Variants in AIMP1 observed in about 807,000 individuals in gnomAD.
The protein encoded by AIMP1 is aminoacyl tRNA synthetase complex interacting multifunctional protein 1.
In AIMP1, 24 loss-of-function variants were observed where a neutral mutation model predicts 33.1. The observed-to-expected ratio is 0.73, with a 90% CI of 0.53 to 1.02. The LOEUF (loss-of-function observed/expected upper bound fraction) is 1.02. Among genes scored for constraint, AIMP1 ranks in the 50% least tolerant of loss-of-function variants. The pLI is 0.00. For synonymous variants in AIMP1, 120 were observed against 121.5 expected, an observed-to-expected ratio of 0.99 and a Z score of 0.08; for missense variants, 367 against 364.8, an observed-to-expected ratio of 1.01 and a Z score of -0.05.
At position 106,322,324 on chromosome 4, in the gene AIMP1, A is replaced by G. The variant is rs868674026; in HGVS notation, c.-25-2661A>G. Among the ~76,000 whole-genome samples, 8 of 152,250 alleles carry G rather than the reference A, an allele frequency of 5.3e-5. No homozygotes were observed. The South Asian group carries it at 1.7e-3, about 32-fold the overall frequency. The stretch of plus-strand genomic sequence containing the variant: ...AAAAAAAAAAGTATAGAAAATTTAG[A>G]TAACTTTACCAAGGTCACACAGTCT... On this transcript the variant is annotated intron_variant, in intron 1 of 6. Transcript: ENST00000672341.
chr4:106,316,246 C>A (rs1768850954), upstream of AIMP1: 1 of 302,154 alleles, frequency 3.3e-6, no homozygotes, highest in Admixed American at 4.8e-5. Context: ...TCCGCCCTCA[C>A]AGCCACCGCG....
At chr4:106,335,597 G>T (rs2125925597) in intron 5 of AIMP1, among the ~76,000 whole-genome samples, 1 of 152,208 alleles carries the variant, frequency 6.6e-6, no homozygotes. Context: ...TAATCCTGTT[G>T]CTACTCTTAA....
chr4:106,321,728 T>C (rs929820392), intron 1 of AIMP1, among the ~76,000 whole-genome samples: 5 of 152,128 alleles, frequency 3.3e-5, no homozygotes, highest in Non-Finnish European at 7.4e-5. Flanking sequence ...CGGGCCATGA[T>C]GACGATGGCA....
Position 106,347,662 on chromosome 4 carries a change from T to G in AIMP1, c.909T>G (p.Ala303=), listed in dbSNP as rs201514824. ...TGAAAGGGAAGGGAGTATGTAGGGCTCAAACCATGAGCAACAGTGGAATCA... is the reference window on the plus strand; with the variant it reads ...TGAAAGGGAAGGGAGTATGTAGGGCGCAAACCATGAGCAACAGTGGAATCA... ...FEVKGKGVCR[A]QTMSNSGIK The change falls in exon 7 of 7, where the codon GCT becomes GCG. Residue 303 remains alanine (A), a synonymous_variant. Transcript: ENST00000672341. 1 of 1,613,248 alleles carries G rather than the reference T, an allele frequency of 6.2e-7. No homozygotes were observed. The highest frequency in any genetic ancestry group is 2.2e-5 in the East Asian group (1 of 44,802).
chr4:106,342,428 A>G (rs1227199273), intron 6 of AIMP1, among the ~76,000 whole-genome samples: 1 of 152,314 alleles, frequency 6.6e-6, no homozygotes, highest in East Asian at 1.9e-4. Flanking sequence ...GGTTTGCCAT[A>G]GATAGCTCTT....
chr4:106,330,633 A>G (rs912448449), intron 4 of AIMP1, among the ~76,000 whole-genome samples: 3 of 152,188 alleles, frequency 2.0e-5, no homozygotes, highest in Non-Finnish European at 4.4e-5. Flanking sequence ...TCACATATTC[A>G]TTATACATAT....
At position 106,341,733 on chromosome 4, in the gene AIMP1, G is replaced by T. The variant is rs565136355; in HGVS notation, c.772+4696G>T. 2.6e-5 allele frequency among the ~76,000 whole-genome samples: 4 copies of T among 151,896 alleles called. No individual in the cohort carries two copies. The East Asian group carries it at 7.7e-4, about 29-fold the overall frequency. On this transcript the variant is annotated intron_variant, in intron 6 of 6. Transcript: ENST00000672341. Reference sequence around the variant, plus strand: ...GAAGTTGGGTAGTGTGATGCCTCCAGTTATGTTCTTTTTGCTTAGAATTAT... The same window carrying T: ...GAAGTTGGGTAGTGTGATGCCTCCATTTATGTTCTTTTTGCTTAGAATTAT...
intron 2 of AIMP1, among the ~76,000 whole-genome samples, chr4:106,326,840 A>G (rs1293069288): frequency 2.0e-5 from 3 of 152,018 alleles, no homozygotes; most frequent in Non-Finnish European, 4.4e-5. Context: ...CAGTGGCACT[A>G]TCTCAACTCA....
At chr4:106,341,369 G>A (rs960171683) in intron 6 of AIMP1, among the ~76,000 whole-genome samples, 7 of 152,008 alleles carry the variant, frequency 4.6e-5, no homozygotes, top group African/African-American at 1.7e-4. Context: ...TTTTGCCAAG[G>A]GTGATATTGA....
chr4:106,321,052 A>G (rs1042939974), intron 1 of AIMP1, among the ~76,000 whole-genome samples: 5 of 152,140 alleles, frequency 3.3e-5, no homozygotes, highest in African/African-American at 7.2e-5. Flanking sequence ...TCAGTGCTCA[A>G]TGTTGCCCAT....
In AIMP1 at chr4:106,328,145, A is replaced by G. The variant is rs756885908; in HGVS notation, c.293A>G (p.Gln98Arg). 1.2e-6 allele frequency: 2 copies of G among 1,613,634 alleles called. No homozygotes were observed. The highest frequency in any genetic ancestry group is 8.5e-7 in the Non-Finnish European group (1 of 1,179,750). The stretch of plus-strand genomic sequence containing the variant: ...TCTATGGTTTCTGAAAATGTGATAC[A>G]GTCTACAGCAGTAACAACCGTATCT... ...ANSMVSENVI[Q>R]STAVTTVSSG... Residue 98 changes from glutamine to arginine, a missense_variant, in exon 4 of 7, where the codon CAG becomes CGG. Coordinates refer to ENST00000672341, the MANE Select transcript of AIMP1 (RefSeq NM_001142416.2).
chr4:106,338,554 G>C (rs1032677478), intron 6 of AIMP1, among the ~76,000 whole-genome samples: 4 of 152,186 alleles, frequency 2.6e-5, no homozygotes, highest in Non-Finnish European at 5.9e-5. Context: ...ACTGAGGTTC[G>C]GGAACCTCCG....
intron 5 of AIMP1, among the ~76,000 whole-genome samples, chr4:106,332,670 T>C (rs1316248634): frequency 6.7e-6 from 1 of 149,592 alleles, no homozygotes; most frequent in Non-Finnish European, 1.5e-5. Context: ...TATGTATCTA[T>C]AGATATATAC....
chr4:106,340,045 T>G (rs2125927502), intron 6 of AIMP1, among the ~76,000 whole-genome samples: 1 of 152,256 alleles, frequency 6.6e-6, no homozygotes, highest in South Asian at 2.1e-4. Context: ...GAATAAGTAT[T>G]TATCTCATAT....
rs565271232 is a variant in AIMP1 at position 106,349,104 on chromosome 4, T to C, written c.*1412T>C. ...TATAGTACCATTATCAATGTGATAT[T>C]CTGAAAATATGAACTGAGCGTCATT... On this transcript the variant is annotated 3_prime_UTR_variant, in exon 7 of 7. Coordinates refer to ENST00000672341, the MANE Select transcript of AIMP1 (RefSeq NM_001142416.2). 1 of 152,166 alleles carries C rather than the reference T, an allele frequency of 6.6e-6. No homozygotes were observed. Among genetic ancestry groups the C allele is most frequent in the African/African-American group, 2.4e-5 (1 of 41,546 alleles). The allele number at this position is 152,166 out of a possible 1,614,324, so 9.4% of individuals were successfully genotyped here.
At chr4:106,343,942 A>C (rs989640426) in intron 6 of AIMP1, among the ~76,000 whole-genome samples, 1 of 152,138 alleles carries the variant, frequency 6.6e-6, no homozygotes, top group African/African-American at 2.4e-5. Context: ...AAAAATCCAA[A>C]TTGTCTATAC....
At chr4:106,333,798 C>T (rs1334070082) in intron 5 of AIMP1, among the ~76,000 whole-genome samples, 1 of 152,164 alleles carries the variant, frequency 6.6e-6, no homozygotes, top group Non-Finnish European at 1.5e-5. Flanking sequence ...CAAATTGATA[C>T]TCCATGATGA....
rs537015796 is a variant in AIMP1, at chr4:106,330,602, T to C, written c.392-1070T>C. On this transcript the variant is annotated intron_variant, in intron 4 of 6. Transcript: ENST00000672341. ...TTATTCTTCACTGAGTTTCTATATTTCTTTGTGTATGTCATGTTTATCACA... is the reference window on the plus strand; with the variant it reads ...TTATTCTTCACTGAGTTTCTATATTCCTTTGTGTATGTCATGTTTATCACA... Among the ~76,000 whole-genome samples the C allele has an allele frequency of 2.5e-4, 38 of 152,338 alleles. No homozygotes were observed. In the South Asian group the frequency reaches 7.7e-3, roughly 31 times the overall value.
rs375592576 is a variant in AIMP1, at chr4:106,328,193, A to G, written c.341A>G (p.Lys114Arg). The G allele has an allele frequency of 1.2e-6, 2 of 1,612,678 alleles. No individual in the cohort carries two copies. The highest frequency in any genetic ancestry group is 1.3e-5 in the African/African-American group (1 of 74,866). Residue 114 changes from lysine (K) to arginine (R), a missense_variant, in exon 4 of 7, where the codon AAA becomes AGA. Lys to Arg is a conservative substitution (Grantham distance 26). Transcript: ENST00000672341. ...TVSSGTKEQI[K>R]GGTGDEKKAK... is the part of the protein sequence containing the mutation. ...TCTTCTGGTACCAAAGAACAGATAA[A>G]AGGAGGAACAGGAGACGAAAAGAAA...
Sources: allele counts gnomAD v4.1 joint callset (sites outside exome capture counted in the v4.1 genomes callset), GRCh38; gene constraint gnomAD v4.1.1; transcripts MANE v1.5; gene names NCBI Gene and HGNC (gene_info 2026-07-23, HGNC 2026-07-21).